Variants in SOX5 observed in about 807,000 individuals in gnomAD.
SOX5 encodes the protein transcription factor SOX-5.
SOX5 carries 9 observed loss-of-function variants against 92.0 expected under a neutral mutation model. The observed-to-expected ratio is 0.10, with a 90% confidence interval of 0.06 to 0.17. SOX5 has a LOEUF of 0.17. SOX5 is among the 10% of genes least tolerant of loss of function. The pLI, the probability that SOX5 is intolerant of heterozygous loss-of-function variation, is 1.00. For missense variants in SOX5, 642 were observed against 944.5 expected (o/e 0.68, Z 4.20); for synonymous variants, 344 against 336.3 (o/e 1.02, Z -0.25).
At position 23,536,424 on chromosome 12, in the gene SOX5, C is replaced by T. The variant is rs7953926; in HGVS notation, c.1988+29G>A. 2.5e-3 allele frequency: 3,887 copies of T among 1,560,916 alleles called. 76 individuals carry two copies. The African/African-American group carries it at 0.045, about 18-fold the overall frequency. On this transcript the variant is annotated intron_variant, in intron 14 of 14. Transcript: ENST00000451604. ...ATTAAGTATAACAGGAAGTTTGCCC[C>T]ATGAGAAAAATGACTAAAAGGTACA... is the stretch of plus-strand genomic sequence containing the variant.
At chr12:24,043,765 T>G (rs147500069) in intron 4 of SOX5, among the ~76,000 whole-genome samples, 7 of 152,328 alleles carry the variant, frequency 4.6e-5, no homozygotes, top group African/African-American at 1.4e-4. Flanking sequence ...AAATATAAGA[T>G]ATAGCTACCT....
chr12:24,022,467 T>G (rs1171409234), intron 4 of SOX5, among the ~76,000 whole-genome samples: 2 of 152,140 alleles, frequency 1.3e-5, no homozygotes, highest in African/African-American at 2.4e-5. Flanking sequence ...TCATCCTAAA[T>G]ACAGGAGGAA....
chr12:24,381,095 G>A (rs936280241), intron 1 of SOX5, among the ~76,000 whole-genome samples: 13 of 152,136 alleles, frequency 8.5e-5, no homozygotes, highest in Non-Finnish European at 1.9e-4. Flanking sequence ...CTAGTGTGAA[G>A]ACCTTATCTT....
At chr12:24,546,331 C>T (rs777549988) in intron 1 of SOX5, among the ~76,000 whole-genome samples, 19 of 151,762 alleles carry the variant, frequency 1.3e-4, no homozygotes, top group Non-Finnish European at 2.5e-4. Flanking sequence ...CTCTGTCATT[C>T]ATTCACAAGC....
chr12:23,907,948 G>A lies in SOX5; in HGVS notation c.39-11924C>T, dbSNP rs142511201. ...AATAATATCCTTAGGTACATATTTT[G>A]AGCATCTTCCCTGACTTCTTATCTG... On this transcript the variant is annotated intron_variant, in intron 1 of 14. Transcript: ENST00000451604. 1.6e-4 allele frequency among the ~76,000 whole-genome samples: 24 copies of A among 152,150 alleles called. No individual in the cohort carries two copies. In the East Asian group the frequency reaches 4.1e-3, roughly 26 times the overall value.
chr12:24,084,237 C>T (rs112261962), intron 4 of SOX5, among the ~76,000 whole-genome samples: 9 of 152,032 alleles, frequency 5.9e-5, no homozygotes, highest in African/African-American at 1.7e-4. Context: ...AAGAGCAGTC[C>T]AAGGGGATAA....
intron 4 of SOX5, among the ~76,000 whole-genome samples, chr12:24,035,184 A>T (rs1955902211): frequency 1.3e-5 from 2 of 152,138 alleles, no homozygotes; most frequent in African/African-American, 2.4e-5. Context: ...AACTTGATAT[A>T]GTTATTTTTG....
At chr12:24,417,599 T>C (rs1030471550) in intron 1 of SOX5, among the ~76,000 whole-genome samples, 17 of 152,188 alleles carry the variant, frequency 1.1e-4, no homozygotes, top group African/African-American at 3.9e-4. Flanking sequence ...ATGACTTAAC[T>C]GACAAATGAA....
At chr12:24,171,236 T>TTTTTTGTTTTG (rs1954106155) in intron 4 of SOX5, among the ~76,000 whole-genome samples, 2 of 130,220 alleles carry the variant, frequency 1.5e-5, no homozygotes, top group Non-Finnish European at 3.3e-5. Context: ...TTTGTTTTTT[T>TTTTTTGTTTTG]TTTTGGAGAC....
intron 1 of SOX5, among the ~76,000 whole-genome samples, chr12:24,400,411 G>A (rs1049646808): frequency 6.6e-6 from 1 of 152,174 alleles, no homozygotes; most frequent in Non-Finnish European, 1.5e-5. Flanking sequence ...ACAAGTTTGT[G>A]AGGAGGGCGG....
chr12:24,470,526 A>G (rs117456179), intron 1 of SOX5, among the ~76,000 whole-genome samples: 1,889 of 151,778 alleles, frequency 0.012, 12 homozygotes, highest in Non-Finnish European at 0.02. Flanking sequence ...GTGTTTGATC[A>G]AGGATTCCAA....
chr12:24,512,722 C>T (rs996185674), intron 1 of SOX5, among the ~76,000 whole-genome samples: 3 of 152,130 alleles, frequency 2.0e-5, no homozygotes, highest in South Asian at 2.1e-4. Flanking sequence ...TGTCTTCAAC[C>T]GTAAAATAAA....
At chr12:23,815,464 G>A (rs1463402318) in intron 3 of SOX5, among the ~76,000 whole-genome samples, 1 of 152,116 alleles carries the variant, frequency 6.6e-6, no homozygotes, top group Non-Finnish European at 1.5e-5. Flanking sequence ...ACTGATAACT[G>A]ATAAGAGTTC....
intron 3 of SOX5, among the ~76,000 whole-genome samples, chr12:23,778,789 C>G (rs1203121694): frequency 6.6e-5 from 10 of 152,188 alleles, no homozygotes; most frequent in African/African-American, 2.4e-4. Context: ...ATTATCATGT[C>G]TTCTTCTTCA....
At chr12:24,210,656 A>G (rs1958508853) in intron 4 of SOX5, among the ~76,000 whole-genome samples, 2 of 152,232 alleles carry the variant, frequency 1.3e-5, no homozygotes, top group Non-Finnish European at 2.9e-5. Flanking sequence ...CATTATCATT[A>G]AGGTCCCTAT....
chr12:24,531,964 G>C (rs913793247), intron 1 of SOX5, among the ~76,000 whole-genome samples: 6 of 152,112 alleles, frequency 3.9e-5, no homozygotes, highest in Non-Finnish European at 8.8e-5. Context: ...TTAGCATGAG[G>C]ACTTTTTCAG....
intron 2 of SOX5, among the ~76,000 whole-genome samples, chr12:24,349,300 T>A (rs1953755828): frequency 6.6e-6 from 1 of 152,214 alleles, no homozygotes; most frequent in Admixed American, 6.5e-5. Flanking sequence ...ACACAAAAAG[T>A]ACCACCTTAA....
intron 1 of SOX5, among the ~76,000 whole-genome samples, chr12:24,556,019 T>C (rs1953745688): frequency 6.6e-6 from 1 of 152,212 alleles, no homozygotes; most frequent in Non-Finnish European, 1.5e-5. Flanking sequence ...TAGGTGACTC[T>C]TCCAATGGCT....
At chr12:24,485,939 C>T in intron 1 of SOX5, among the ~76,000 whole-genome samples, 1 of 151,748 alleles carries the variant, frequency 6.6e-6, no homozygotes, top group Non-Finnish European at 1.5e-5. Flanking sequence ...ATCCATATAC[C>T]TTTCTGTTGT....
Sources: gnomAD v4.1 joint callset for allele counts (sites outside exome capture counted in the v4.1 genomes callset) on GRCh38, gnomAD v4.1.1 for gene constraint, MANE v1.5 for transcripts, NCBI Gene and HGNC (gene_info 2026-07-23, HGNC 2026-07-21) for gene names.